CFAP299: variants seen among roughly 807,000 people sequenced by gnomAD.
CFAP299 encodes cilia- and flagella-associated protein 299.
CFAP299 carries 21 observed loss-of-function variants against 27.0 expected under a neutral mutation model. The observed-to-expected ratio is 0.78, with a 90% CI of 0.55 to 1.12. The LOEUF is 1.12. Ranked by LOEUF, CFAP299 falls within the 50% of genes most tolerant of loss-of-function variation. The pLI is 0.00. For missense variants in CFAP299, 310 were observed against 276.6 expected (o/e 1.12, Z -0.86); for synonymous variants, 104 against 98.1 (o/e 1.06, Z -0.36).
intron 3 of CFAP299, among the ~76,000 whole-genome samples, chr4:80,740,397 G>C (rs570105679): frequency 6.6e-6 from 1 of 152,304 alleles, no homozygotes; most frequent in South Asian, 2.1e-4. Flanking sequence ...GGTGGTCTTG[G>C]ATAAGATCTG....
chr4:80,546,421 G>C (rs142286789), intron 2 of CFAP299, among the ~76,000 whole-genome samples: 198 of 152,226 alleles, frequency 1.3e-3, no homozygotes, highest in Non-Finnish European at 2.1e-3. Context: ...TGCTTACCAA[G>C]GAGGTGAAAA....
intron 4 of CFAP299, chr4:80,871,826 T>C (rs1019751740): frequency 5.8e-6 from 1 of 171,882 alleles, no homozygotes; most frequent in African/African-American, 2.4e-5. Context: ...TGTCATCTAA[T>C]ACCTAGTTCA....
At chr4:80,579,429 CGGAAGAAGGG>C (rs1736055581) in intron 2 of CFAP299, among the ~76,000 whole-genome samples, 2 of 152,044 alleles carry the variant, frequency 1.3e-5, no homozygotes, top group Non-Finnish European at 2.9e-5. Flanking sequence ...TTCATTGTTA[CGGAAGAAGGG>C]GGAACAGTGT....
intron 3 of CFAP299, among the ~76,000 whole-genome samples, chr4:80,637,152 C>T (rs992517330): frequency 6.6e-6 from 1 of 152,046 alleles, no homozygotes; most frequent in Non-Finnish European, 1.5e-5. Context: ...GATCAAGAAC[C>T]TAAGTCCCAC....
intron 3 of CFAP299, among the ~76,000 whole-genome samples, chr4:80,648,178 A>C (rs1740120045): frequency 6.6e-6 from 1 of 152,320 alleles, no homozygotes; most frequent in East Asian, 1.9e-4. Context: ...AGAATCATAA[A>C]CATCTAGATG....
At position 80,641,757 on chromosome 4, in the gene CFAP299, T is replaced by G. The variant is rs371882836; in HGVS notation, c.333+58574T>G. Reference sequence around the variant, plus strand: ...ATGGACGTGATCTAAGTGAGCATTATTTGGCCACAAAGTGGGGTCATTTAG... The same window carrying G: ...ATGGACGTGATCTAAGTGAGCATTAGTTGGCCACAAAGTGGGGTCATTTAG... On this transcript the variant is annotated intron_variant, in intron 3 of 5. Transcript: ENST00000358105. 6.6e-5 allele frequency among the ~76,000 whole-genome samples: 10 copies of G among 152,304 alleles called. 1 individual carries two copies. The highest frequency in any genetic ancestry group is 2.4e-4 in the African/African-American group (10 of 41,564).
At chr4:80,602,963 G>GC (rs1241006359) in intron 3 of CFAP299, among the ~76,000 whole-genome samples, 1 of 152,056 alleles carries the variant, frequency 6.6e-6, no homozygotes, top group Non-Finnish European at 1.5e-5. Context: ...TTCTCTTGAT[G>GC]CCCCCCATGC....
At chr4:80,895,719 C>T (rs1267814443) in intron 4 of CFAP299, among the ~76,000 whole-genome samples, 4 of 152,006 alleles carry the variant, frequency 2.6e-5, no homozygotes, top group South Asian at 2.1e-4. Context: ...GCAGCCCATT[C>T]ATCTAAAGAT....
intron 3 of CFAP299, among the ~76,000 whole-genome samples, chr4:80,761,405 A>G (rs1386788224): frequency 6.6e-6 from 1 of 152,112 alleles, no homozygotes; most frequent in Non-Finnish European, 1.5e-5. Context: ...TTTTGCTTCA[A>G]ATTACAATGC....
intron 3 of CFAP299, among the ~76,000 whole-genome samples, chr4:80,715,661 A>G (rs534236606): frequency 6.6e-6 from 1 of 152,248 alleles, no homozygotes; most frequent in Admixed American, 6.5e-5. Flanking sequence ...TCAAAAAACA[A>G]AAACTGGTTT....
At chr4:80,584,464 A>G (rs374865712) in intron 3 of CFAP299, among the ~76,000 whole-genome samples, 10 of 152,024 alleles carry the variant, frequency 6.6e-5, no homozygotes, top group African/African-American at 2.4e-4. Flanking sequence ...AAAATTAGAG[A>G]GGTAAAATGG....
chr4:80,899,050 C>T (rs1422327795), intron 4 of CFAP299, among the ~76,000 whole-genome samples: 2 of 152,224 alleles, frequency 1.3e-5, no homozygotes, highest in Non-Finnish European at 2.9e-5. Context: ...CTGGATTTAA[C>T]AGTCTCTGCC....
Position 80,436,222 on chromosome 4 carries a change from G to A in CFAP299, c.242+73338G>A, listed in dbSNP as rs182823156. Among the ~76,000 whole-genome samples, 154 of 152,104 alleles carry A rather than the reference G, an allele frequency of 1.0e-3. 1 individual carries two copies. The highest frequency in any genetic ancestry group is 3.5e-3 in the African/African-American group (145 of 41,486). On this transcript the variant is annotated intron_variant, in intron 2 of 5. Transcript: ENST00000358105. ...GGTAAGTTGTCTTACTTCCCTTAAA[G>A]CAAGGTGTGGCCATGTGACTTATAT...
chr4:80,606,450 G>A (rs1258337361), intron 3 of CFAP299, among the ~76,000 whole-genome samples: 4 of 152,062 alleles, frequency 2.6e-5, no homozygotes, highest in African/African-American at 4.8e-5. Flanking sequence ...CAGGAGAATC[G>A]CTTGAACCTG....
intron 2 of CFAP299, among the ~76,000 whole-genome samples, chr4:80,385,180 A>G (rs1724904241): frequency 6.6e-6 from 1 of 152,130 alleles, no homozygotes; most frequent in Non-Finnish European, 1.5e-5. Flanking sequence ...TGTGCCATAC[A>G]TCTTGAGAGC....
chr4:80,707,810 T>C (rs145044112), intron 3 of CFAP299, among the ~76,000 whole-genome samples: 19 of 152,090 alleles, frequency 1.2e-4, no homozygotes, highest in African/African-American at 4.6e-4. Context: ...ATTATCTGTG[T>C]AGCAAACACA....
chr4:80,509,761 G>T (rs1010191930), intron 2 of CFAP299, among the ~76,000 whole-genome samples: 1 of 151,972 alleles, frequency 6.6e-6, no homozygotes, highest in African/African-American at 2.4e-5. Flanking sequence ...TGAACATTTT[G>T]CTTCATTGAC....
intron 3 of CFAP299, among the ~76,000 whole-genome samples, chr4:80,780,487 G>A (rs1326562500): frequency 2.0e-5 from 3 of 152,050 alleles, no homozygotes; most frequent in African/African-American, 7.2e-5. Flanking sequence ...ACTAAAATGT[G>A]TACAACATCA....
intron 2 of CFAP299, among the ~76,000 whole-genome samples, chr4:80,580,946 A>G (rs1015728955): frequency 6.6e-6 from 1 of 152,120 alleles, no homozygotes; most frequent in Non-Finnish European, 1.5e-5. Context: ...TCAGTGTCTC[A>G]GTCCCCCAAG....
Sources: gnomAD v4.1 joint callset for allele counts (sites outside exome capture counted in the v4.1 genomes callset) on GRCh38, gnomAD v4.1.1 for gene constraint, MANE v1.5 for transcripts, NCBI Gene and HGNC (gene_info 2026-07-23, HGNC 2026-07-21) for gene names.